CELF2: variants seen among roughly 807,000 people sequenced by gnomAD.
CELF2 encodes the protein CUGBP Elav-like family member 2, also known as CUG triplet repeat RNA-binding protein 2.
CELF2 carries 8 observed loss-of-function variants against 62.6 expected under a neutral mutation model. That is an observed-to-expected ratio of 0.13 (90% CI 0.07 to 0.23). The LOEUF (loss-of-function observed/expected upper bound fraction) is 0.23, where lower values mean the gene tolerates loss of function less well. Ranked by LOEUF, CELF2 falls within the 10% of genes least tolerant of loss-of-function variation. CELF2 has a pLI of 1.00. For missense variants in CELF2, 333 were observed against 671.0 expected (o/e 0.50, Z 5.56); for synonymous variants, 258 against 250.0 (o/e 1.03, Z -0.30).
chr10:11,204,774 G>A (rs765729946), intron 2 of CELF2, among the ~76,000 whole-genome samples: 4 of 152,194 alleles, frequency 2.6e-5, no homozygotes, highest in South Asian at 2.1e-4. Context: ...GGCTTCCGCC[G>A]GACATCTCCT....
intron 1 of CELF2, among the ~76,000 whole-genome samples, chr10:10,880,657 C>T (rs1406167849): frequency 6.6e-6 from 1 of 152,096 alleles, no homozygotes; most frequent in Non-Finnish European, 1.5e-5. Flanking sequence ...CTGGGAAACA[C>T]CAAAAGGAAG....
chr10:10,769,898 A>C, the CELF2 span, among the ~76,000 whole-genome samples: 1 of 152,212 alleles, frequency 6.6e-6, no homozygotes, highest in African/African-American at 2.4e-5. Flanking sequence ...GTGGAGAATC[A>C]GTTTACAGCA....
chr10:10,860,952 C>T (rs1226149013), intron 1 of CELF2, among the ~76,000 whole-genome samples: 2 of 152,154 alleles, frequency 1.3e-5, no homozygotes, highest in African/African-American at 2.4e-5. Flanking sequence ...ACTGTAATCT[C>T]ACTATGTTAC....
intron 1 of CELF2, among the ~76,000 whole-genome samples, chr10:11,160,721 C>A (rs2065530952): frequency 6.6e-6 from 1 of 150,496 alleles, no homozygotes; most frequent in Non-Finnish European, 1.5e-5. Flanking sequence ...TATCTTTACG[C>A]ACAATTTTTC....
the CELF2 span, among the ~76,000 whole-genome samples, chr10:10,729,297 A>G: frequency 1.3e-5 from 2 of 152,178 alleles, no homozygotes; most frequent in Non-Finnish European, 2.9e-5. Context: ...ATCCCAACAA[A>G]GTACGTTAGT....
At position 11,268,723 on chromosome 10, in the gene CELF2, TAGG is replaced by T. The variant is rs1321415978; in HGVS notation, c.619-1939_619-1937del. 2.6e-5 allele frequency among the ~76,000 whole-genome samples: 4 copies of T among 152,106 alleles called. No individual in the cohort carries two copies. The highest frequency in any genetic ancestry group is 4.8e-5 in the African/African-American group (2 of 41,424). ...GTTTTTTTTTTAATTGGCATTTAAA[TAGG>T]AGGTTATATATTATGCAGTCACATT... On this transcript the variant is annotated intron_variant, in intron 6 of 12. Transcript: ENST00000633077. The surrounding 1 kb of genome is among the most constrained non-coding windows in gnomAD (Gnocchi z 4.7).
rs58094560 is a variant in CELF2 at position 11,012,580 on chromosome 10, C to G, written c.53+7140C>G. 5.8e-3 allele frequency among the ~76,000 whole-genome samples: 888 copies of G among 152,284 alleles called. 10 individuals carry two copies. Among genetic ancestry groups the G allele is most frequent in the African/African-American group, 0.02 (831 of 41,554 alleles). On this transcript the variant is annotated intron_variant, in intron 1 of 12. Coordinates refer to the CELF2 transcript ENST00000416382. This position sits in a 1 kb window ranked among gnomAD's most constrained non-coding sequence, Gnocchi z 5.5. ...CCTTCTCCGGGACCGAATGTTACGC[C>G]TGCAACTGTGTCCTCCCAGCTGTTG... is the stretch of plus-strand genomic sequence containing the variant.
the CELF2 span, among the ~76,000 whole-genome samples, chr10:10,484,953 A>C: frequency 6.6e-6 from 1 of 152,248 alleles, no homozygotes; most frequent in South Asian, 2.1e-4. Flanking sequence ...CTTTTCAGAT[A>C]GCTTCTGGAT....
At chr10:11,186,980 T>C (rs1033831403) in intron 2 of CELF2, among the ~76,000 whole-genome samples, 4 of 152,188 alleles carry the variant, frequency 2.6e-5, no homozygotes, top group African/African-American at 9.7e-5. Flanking sequence ...TGACTTATCT[T>C]GGTAAACAGT....
At chr10:10,800,073 T>A (rs995942376) in intron 1 of CELF2, among the ~76,000 whole-genome samples, 1 of 73,570 alleles carries the variant, frequency 1.4e-5, no homozygotes, top group Admixed American at 1.5e-4. Flanking sequence ...TTCCTATTCA[T>A]GACTCTGTCT....
At chr10:10,471,151 G>T in the CELF2 span, among the ~76,000 whole-genome samples, 1 of 151,282 alleles carries the variant, frequency 6.6e-6, no homozygotes, top group South Asian at 2.1e-4. Context: ...TTTGATTTAT[G>T]TCCCAACATA....
chr10:11,188,615 GT>G (rs963818033), intron 2 of CELF2, among the ~76,000 whole-genome samples: 25 of 151,942 alleles, frequency 1.6e-4, no homozygotes, highest in African/African-American at 5.6e-4. Context: ...CCTTGGTTTG[GT>G]TTTCTTTGTA....
At chr10:10,598,205 T>C in the CELF2 span, among the ~76,000 whole-genome samples, 1 of 152,230 alleles carries the variant, frequency 6.6e-6, no homozygotes, top group Non-Finnish European at 1.5e-5. Flanking sequence ...TCAGATGAGA[T>C]GCTGTGATGG....
chr10:11,006,758 G>A (rs893721653), intron 1 of CELF2, among the ~76,000 whole-genome samples: 1 of 152,150 alleles, frequency 6.6e-6, no homozygotes, highest in Non-Finnish European at 1.5e-5. Context: ...AGCCTATTAA[G>A]TTGTGAAGTT....
At chr10:10,875,353 T>C (rs1414306640) in intron 1 of CELF2, among the ~76,000 whole-genome samples, 1 of 152,262 alleles carries the variant, frequency 6.6e-6, no homozygotes, top group Non-Finnish European at 1.5e-5. Context: ...TCTATCACTT[T>C]GTACATTTTT....
At chr10:11,093,423 T>G (rs944650603) in intron 1 of CELF2, among the ~76,000 whole-genome samples, 1 of 152,214 alleles carries the variant, frequency 6.6e-6, no homozygotes, top group Non-Finnish European at 1.5e-5. Context: ...TTTATTTATG[T>G]AAGTCAATCT....
the CELF2 span, among the ~76,000 whole-genome samples, chr10:10,710,366 G>A: frequency 5.3e-5 from 8 of 152,160 alleles, no homozygotes; most frequent in Admixed American, 4.6e-4. Flanking sequence ...TAGTGTCTAG[G>A]CAAAAATTTC....
Position 11,178,073 on chromosome 10 carries a change from G to A in CELF2, c.271+12391G>A, listed in dbSNP as rs561195326. 1.3e-5 allele frequency among the ~76,000 whole-genome samples: 2 copies of A among 152,334 alleles called. No individual in the cohort carries two copies. The highest frequency in any genetic ancestry group is 2.9e-5 in the Non-Finnish European group (2 of 68,026). ...GAGGTCAGATCCCTACACATGAAAC[G>A]CTGCGGCCACAGCTGCAGCCATGCT... On this transcript the variant is annotated intron_variant, in intron 2 of 12. Coordinates refer to ENST00000633077, the MANE Select transcript of CELF2 (RefSeq NM_001326342.2). This position sits in a 1 kb window ranked among gnomAD's most constrained non-coding sequence, Gnocchi z 4.3.
intron 2 of CELF2, among the ~76,000 whole-genome samples, chr10:11,181,463 C>T (rs1028427617): frequency 3.3e-5 from 5 of 152,236 alleles, no homozygotes; most frequent in East Asian, 1.9e-4. Context: ...CCTTGGATTT[C>T]GTGCTCCCAT....
Sources: allele counts gnomAD v4.1 joint callset (sites outside exome capture counted in the v4.1 genomes callset), GRCh38; gene constraint gnomAD v4.1.1; non-coding constraint Gnocchi (gnomAD v3.1); transcripts MANE v1.5; gene names NCBI Gene and HGNC (gene_info 2026-07-23, HGNC 2026-07-21).